RPH3A: variants seen among roughly 807,000 people sequenced by gnomAD.
The protein encoded by RPH3A is rabphilin 3A.
RPH3A carries 48 observed loss-of-function variants against 102.2 expected under a neutral mutation model. The observed-to-expected ratio is 0.47, with a 90% CI of 0.37 to 0.60. The LOEUF (loss-of-function observed/expected upper bound fraction) is 0.60, where lower values mean the gene tolerates loss of function less well. Ranked by LOEUF, RPH3A falls within the 20% of genes least tolerant of loss-of-function variation. The probability of loss-of-function intolerance (pLI) is 0.00; values close to 1 mark genes in which losing one functional copy is unlikely to be tolerated. For synonymous variants in RPH3A, 310 were observed against 324.3 expected (o/e 0.96, Z 0.47); for missense variants, 781 against 910.1 (o/e 0.86, Z 1.83).
chr12:112,580,394 CTTTT>C (rs773931202), intron 1 of RPH3A, among the ~76,000 whole-genome samples: 15 of 76,942 alleles, frequency 1.9e-4, no homozygotes, highest in Non-Finnish European at 2.4e-4. Context: ...TTTGTCTTGT[CTTTT>C]TTTTTTTTTT....
At chr12:112,618,507 G>T (rs2039697980) in intron 1 of RPH3A, among the ~76,000 whole-genome samples, 1 of 152,096 alleles carries the variant, frequency 6.6e-6, no homozygotes, top group African/African-American at 2.4e-5. Flanking sequence ...CCCTCTCTAA[G>T]TTGCTTACTG....
intron 1 of RPH3A, among the ~76,000 whole-genome samples, chr12:112,786,627 A>G (rs2041053868): frequency 6.6e-6 from 1 of 152,206 alleles, no homozygotes; most frequent in Admixed American, 6.5e-5. Flanking sequence ...AGCTTTGAGC[A>G]TGTTTCCTTT....
intron 2 of RPH3A, among the ~76,000 whole-genome samples, chr12:112,797,097 A>G (rs2041247547): frequency 6.6e-6 from 1 of 152,154 alleles, no homozygotes; most frequent in African/African-American, 2.4e-5. Context: ...GGCTACCTAC[A>G]TAATGTGATC....
chr12:112,784,895 T>G (rs3825203), intron 1 of RPH3A, among the ~76,000 whole-genome samples: 32,153 of 152,188 alleles, frequency 0.21, 5,030 homozygotes, highest in African/African-American at 0.44. Flanking sequence ...TGTGTTTTGG[T>G]ACTCACTGGC....
In RPH3A at chr12:112,828,127, C is replaced by T. The variant is rs1565904816; in HGVS notation, c.-18-174C>T. On this transcript the variant is annotated intron_variant, in intron 2 of 21. Coordinates refer to ENST00000389385, the MANE Select transcript of RPH3A (RefSeq NM_001143854.2). ...CTTGCCACGGGGTAGCTGTGACTTC[C>T]AGCAAGACACTTTCCCTCTTAGGGT... Among the ~76,000 whole-genome samples, 3 of 152,108 alleles carry T rather than the reference C, an allele frequency of 2.0e-5. No homozygotes were observed. In the South Asian group the frequency reaches 6.2e-4, roughly 32 times the overall value.
intron 2 of RPH3A, among the ~76,000 whole-genome samples, chr12:112,807,088 C>T (rs920374503): frequency 5.3e-5 from 8 of 151,924 alleles, no homozygotes; most frequent in East Asian, 1.9e-4. Flanking sequence ...TGAGATGAGG[C>T]GGGTGGTGCC....
At chr12:112,840,450 G>A (rs2042123247) in intron 4 of RPH3A, among the ~76,000 whole-genome samples, 1 of 151,934 alleles carries the variant, frequency 6.6e-6, no homozygotes, top group South Asian at 2.1e-4. Context: ...GAGTATTTTT[G>A]TACCCATTAA....
chr12:112,769,587 C>T (rs1592989165), intron 1 of RPH3A, among the ~76,000 whole-genome samples: 2 of 152,126 alleles, frequency 1.3e-5, no homozygotes, highest in South Asian at 2.1e-4. Flanking sequence ...CTGAAAGTCC[C>T]GCCTTATTCT....
At chr12:112,787,901 A>T (rs889380093), upstream of RPH3A, among the ~76,000 whole-genome samples, 3 of 152,210 alleles carry the variant, frequency 2.0e-5, no homozygotes, top group Non-Finnish European at 4.4e-5. Flanking sequence ...CCTCTGCTCC[A>T]TAAAACAAGG....
At chr12:112,710,084 C>G (rs1210505287) in intron 1 of RPH3A, among the ~76,000 whole-genome samples, 1 of 152,170 alleles carries the variant, frequency 6.6e-6, no homozygotes, top group African/African-American at 2.4e-5. Flanking sequence ...ACACCATTCT[C>G]CTGCCTCAGC....
chr12:112,577,046 C>G (rs2039365667), intron 1 of RPH3A, among the ~76,000 whole-genome samples: 1 of 151,756 alleles, frequency 6.6e-6, no homozygotes, highest in South Asian at 2.1e-4. Flanking sequence ...GCTAGTAACA[C>G]AGGCATGTGC....
At chr12:112,704,608 C>G (rs1268135797) in intron 1 of RPH3A, among the ~76,000 whole-genome samples, 1 of 152,208 alleles carries the variant, frequency 6.6e-6, no homozygotes, top group Non-Finnish European at 1.5e-5. Context: ...ACCATCATCT[C>G]TTTCTTCCCA....
At chr12:112,698,732 A>G (rs1399999944) in intron 1 of RPH3A, among the ~76,000 whole-genome samples, 1 of 152,248 alleles carries the variant, frequency 6.6e-6, no homozygotes, top group African/African-American at 2.4e-5. Flanking sequence ...TGGTGAGGAT[A>G]TGAAGCCACT....
intron 1 of RPH3A, among the ~76,000 whole-genome samples, chr12:112,620,702 T>C (rs948128984): frequency 1.3e-5 from 2 of 152,152 alleles, no homozygotes; most frequent in Non-Finnish European, 2.9e-5. Context: ...ACTCCTGATA[T>C]TCACTCTCTC....
chr12:112,800,074 G>T (rs2136101965), intron 2 of RPH3A, among the ~76,000 whole-genome samples: 1 of 152,138 alleles, frequency 6.6e-6, no homozygotes, highest in East Asian at 1.9e-4. Flanking sequence ...CAGCCCAGTG[G>T]GTGGCAAAAC....
intron 1 of RPH3A, among the ~76,000 whole-genome samples, chr12:112,639,530 A>G (rs2039871514): frequency 6.6e-6 from 1 of 152,194 alleles, no homozygotes; most frequent in Admixed American, 6.5e-5. Context: ...ATCAGGAAGA[A>G]TAGCTAATGG....
intron 1 of RPH3A, among the ~76,000 whole-genome samples, chr12:112,701,373 T>C (rs1453762194): frequency 6.6e-6 from 1 of 152,218 alleles, no homozygotes; most frequent in African/African-American, 2.4e-5. Flanking sequence ...AGAGAAGATG[T>C]AATGCTTATT....
chr12:112,576,909 CTT>C (rs3036138), intron 1 of RPH3A, among the ~76,000 whole-genome samples: 9 of 114,568 alleles, frequency 7.9e-5, no homozygotes, highest in Admixed American at 1.9e-4. Context: ...TCTTTTCTTC[CTT>C]TTTTTTTTTT....
At chr12:112,598,596 A>T (rs2039535323) in intron 1 of RPH3A, among the ~76,000 whole-genome samples, 1 of 152,196 alleles carries the variant, frequency 6.6e-6, no homozygotes, top group Admixed American at 6.5e-5. Flanking sequence ...AACCCAAGAA[A>T]TCAAGTGTGG....
Sources: gnomAD v4.1 joint callset for allele counts (sites outside exome capture counted in the v4.1 genomes callset) on GRCh38, gnomAD v4.1.1 for gene constraint, MANE v1.5 for transcripts, NCBI Gene and HGNC (gene_info 2026-07-23, HGNC 2026-07-21) for gene names.